Variants in SIPA1L3 observed in about 807,000 individuals in gnomAD.
The protein encoded by SIPA1L3 is signal induced proliferation associated 1 like 3.
A neutral mutation model predicts 150.1 loss-of-function variants in SIPA1L3; 59 were observed. That is an observed-to-expected ratio of 0.39 (90% CI 0.32 to 0.49). The LOEUF is 0.49. SIPA1L3 is among the 20% of genes least tolerant of loss of function. SIPA1L3 has a pLI of 0.86. For synonymous variants in SIPA1L3, 1,070 were observed against 1,077.6 expected (o/e 0.99, Z 0.14); for missense variants, 2,211 against 2,489.5 (o/e 0.89, Z 2.38).
intron 2 of SIPA1L3, among the ~76,000 whole-genome samples, chr19:38,052,426 G>A (rs1043855515): frequency 5.5e-4 from 84 of 152,300 alleles, no homozygotes; most frequent in African/African-American, 1.9e-3. Flanking sequence ...TTGGGCGGAG[G>A]CCTCCTCCGC....
At chr19:37,981,439 AAG>A (rs1291345815) in intron 1 of SIPA1L3, among the ~76,000 whole-genome samples, 2 of 151,852 alleles carry the variant, frequency 1.3e-5, no homozygotes, top group Non-Finnish European at 2.9e-5. Context: ...AAAAAAAAAA[AAG>A]AGTTTTGGTT....
chr19:37,950,974 G>C (rs2046758616), intron 1 of SIPA1L3, among the ~76,000 whole-genome samples: 1 of 152,254 alleles, frequency 6.6e-6, no homozygotes, highest in Admixed American at 6.5e-5. Context: ...TGGAGAGGAA[G>C]ATCATCTGCT....
Position 38,119,385 on chromosome 19 carries a change from G to A in SIPA1L3, c.2371G>A (p.Val791Ile), listed in dbSNP as rs370149444. The A allele has an allele frequency of 3.7e-6, 6 of 1,614,166 alleles. No individual in the cohort carries two copies. The highest frequency in any genetic ancestry group is 2.2e-5 in the East Asian group (1 of 44,888). The change falls in exon 9 of 22, where the codon GTC becomes ATC. Residue 791 changes from valine (V) to isoleucine (I), a missense_variant. Val to Ile is a conservative substitution (Grantham distance 29). Around this residue, in one of 5 missense-constraint regions of SIPA1L3, gnomAD observed 625 missense variants for 804.2 expected, o/e 0.78. Coordinates refer to ENST00000222345, the MANE Select transcript of SIPA1L3 (RefSeq NM_015073.3). Reference protein sequence around the residue: ...PSGTTFRKSDVFRDFLLAKVI... With the variant: ...PSGTTFRKSDIFRDFLLAKVI... ...TGGAACCACATTCCGCAAATCCGACGTCTTCAGAGACTTCTTGCTGGCCAA... is the reference window on the plus strand; with the variant it reads ...TGGAACCACATTCCGCAAATCCGACATCTTCAGAGACTTCTTGCTGGCCAA...
chr19:38,053,705 T>C (rs1969253237), intron 2 of SIPA1L3, among the ~76,000 whole-genome samples: 1 of 151,986 alleles, frequency 6.6e-6, no homozygotes, highest in Non-Finnish European at 1.5e-5. Flanking sequence ...CACAGGCGTG[T>C]GCCAACACGC....
At chr19:38,121,096 C>A (rs529708921) in intron 9 of SIPA1L3, among the ~76,000 whole-genome samples, 1 of 152,194 alleles carries the variant, frequency 6.6e-6, no homozygotes, top group African/African-American at 2.4e-5. Context: ...AATCCCAACA[C>A]TTTGGGAGGC....
chr19:38,011,518 ATAAAAGTAGAT>A lies in SIPA1L3; in HGVS notation c.-378-17569_-378-17559del, dbSNP rs1968097655. Among the ~76,000 whole-genome samples, 3 of 152,182 alleles carry A rather than the reference ATAAAAGTAGAT, an allele frequency of 2.0e-5. No homozygotes were observed. In the South Asian group the frequency reaches 6.2e-4, roughly 32 times the overall value. On this transcript the variant is annotated intron_variant, in intron 1 of 21. Coordinates refer to ENST00000222345, the MANE Select transcript of SIPA1L3 (RefSeq NM_015073.3). ...AGTCATGCTTACTGCTCTGTAAGCAATAAAAGTAGATTGAAGTAGGGGCCCCCTGATCTGGG... is the reference window on the plus strand; with the variant it reads ...AGTCATGCTTACTGCTCTGTAAGCAATGAAGTAGGGGCCCCCTGATCTGGG...
chr19:37,968,680 C>T lies in SIPA1L3; in HGVS notation c.-378-60409C>T, dbSNP rs117027530. 7.1e-3 allele frequency among the ~76,000 whole-genome samples: 1,088 copies of T among 152,324 alleles called. 36 individuals are homozygous for T. Among genetic ancestry groups the T allele is most frequent in the East Asian group, 0.065 (339 of 5,182 alleles). On this transcript the variant is annotated intron_variant, in intron 1 of 21. Coordinates refer to ENST00000222345, the MANE Select transcript of SIPA1L3 (RefSeq NM_015073.3). ...GTTATTACTAATGCTGGGTTTTTCT[C>T]CTTGATCTCCCAAGTTGGTTCCAGT...
At chr19:37,911,497 G>A (rs969663851) in intron 1 of SIPA1L3, among the ~76,000 whole-genome samples, 1 of 151,102 alleles carries the variant, frequency 6.6e-6, no homozygotes, top group Non-Finnish European at 1.5e-5. Flanking sequence ...CCTTTAGGTT[G>A]TTCCTCTGAG....
At chr19:38,016,886 C>CTTTTTTTTTTTTTTTTTTT (rs58459050) in intron 1 of SIPA1L3, among the ~76,000 whole-genome samples, 1 of 69,106 alleles carries the variant, frequency 1.4e-5, no homozygotes, top group African/African-American at 6.7e-5. Flanking sequence ...CCTCCTCTGG[C>CTTTTTTTTTTTTTTTTTTT]TTTTTTTTTT....
chr19:38,071,389 C>A (rs532548613), intron 2 of SIPA1L3, among the ~76,000 whole-genome samples: 1 of 152,220 alleles, frequency 6.6e-6, no homozygotes, highest in African/African-American at 2.4e-5. Context: ...CAGGTTCAAG[C>A]AATTCTGTTG....
Position 37,978,099 on chromosome 19 carries a change from C to T in SIPA1L3, c.-378-50990C>T, listed in dbSNP as rs575963282. 2.0e-3 allele frequency among the ~76,000 whole-genome samples: 299 copies of T among 152,310 alleles called. 1 individual carries two copies. Among genetic ancestry groups the T allele is most frequent in the African/African-American group, 7.0e-3 (292 of 41,550 alleles). On this transcript the variant is annotated intron_variant, in intron 1 of 21. Transcript: ENST00000222345. ...TAAATTATCTAATAGGTGCATGGTC[C>T]TGCAGCCTGTCCGGTGTGACAGTTG...
intron 8 of SIPA1L3, among the ~76,000 whole-genome samples, 197 bp downstream of exon 8, chr19:38,110,581 C>T (rs1235503579): frequency 1.3e-5 from 2 of 152,184 alleles, no homozygotes; most frequent in Non-Finnish European, 2.9e-5. Context: ...GCTAAGGAAA[C>T]CATCAGGGAT....
intron 1 of SIPA1L3, among the ~76,000 whole-genome samples, chr19:37,929,713 G>A (rs1381510736): frequency 6.6e-6 from 1 of 152,072 alleles, no homozygotes; most frequent in Non-Finnish European, 1.5e-5. Flanking sequence ...CCCCTCTGAG[G>A]GCTGTTCTTG....
chr19:38,016,886 C>CTTTTTTTTTT (rs58459050), intron 1 of SIPA1L3, among the ~76,000 whole-genome samples: 2 of 69,106 alleles, frequency 2.9e-5, no homozygotes, highest in African/African-American at 6.7e-5. Context: ...CCTCCTCTGG[C>CTTTTTTTTTT]TTTTTTTTTT....
At chr19:37,922,020 T>C (rs1011130913) in intron 1 of SIPA1L3, among the ~76,000 whole-genome samples, 5 of 152,184 alleles carry the variant, frequency 3.3e-5, no homozygotes, top group Non-Finnish European at 7.4e-5. Context: ...GATTTGTGTG[T>C]ATTTCCCAGT....
chr19:38,107,701 G>T (rs921064063), intron 7 of SIPA1L3, among the ~76,000 whole-genome samples: 3 of 152,256 alleles, frequency 2.0e-5, no homozygotes, highest in Non-Finnish European at 2.9e-5. Context: ...CTTAGGCCAG[G>T]CTTGGTGGCT....
At position 37,955,662 on chromosome 19, in the gene SIPA1L3, CATA is replaced by C. The variant is rs1212912146; in HGVS notation, c.-379+48307_-379+48309del. ...TCTGTACCAGGCTTCCGTCACTTAG[CATA>C]ATGTTTCTGCGCTTCCTCCAGGTGA... On this transcript the variant is annotated intron_variant, in intron 1 of 21. Coordinates refer to ENST00000222345, the MANE Select transcript of SIPA1L3 (RefSeq NM_015073.3). Among the ~76,000 whole-genome samples, 5 of 152,304 alleles carry C rather than the reference CATA, an allele frequency of 3.3e-5. No individual in the cohort carries two copies. The East Asian group carries it at 9.6e-4, about 29-fold the overall frequency.
intron 1 of SIPA1L3, among the ~76,000 whole-genome samples, chr19:37,975,675 A>C (rs1159947186): frequency 6.6e-6 from 1 of 152,232 alleles, no homozygotes; most frequent in Admixed American, 6.5e-5. Flanking sequence ...GTAGGTCTAA[A>C]GATGGCTAAT....
rs1491174897 is a variant in SIPA1L3, at chr19:38,000,909, TAA to T, written c.-378-28179_-378-28178del. Among the ~76,000 whole-genome samples, 45 of 35,480 alleles carry T rather than the reference TAA, an allele frequency of 1.3e-3. No homozygotes were observed. In the Middle Eastern group the frequency reaches 0.028, roughly 22 times the overall value. The allele number at this position is 35,480 out of a possible 152,430, so 23.3% of individuals were successfully genotyped here. On this transcript the variant is annotated intron_variant, in intron 1 of 21. Coordinates refer to ENST00000222345, the MANE Select transcript of SIPA1L3 (RefSeq NM_015073.3). ...TATATATATGTTATATATATATATATAACATATATATAACATATATATAACAT... is the reference window on the plus strand; with the variant it reads ...TATATATATGTTATATATATATATATCATATATATAACATATATATAACAT...
Sources: gnomAD v4.1 joint callset for allele counts (sites outside exome capture counted in the v4.1 genomes callset) on GRCh38, gnomAD v4.1.1 for gene constraint, gnomAD v4.1.1 regional missense constraint, MANE v1.5 for transcripts, NCBI Gene and HGNC (gene_info 2026-07-23, HGNC 2026-07-21) for gene names.